KIF23: variants seen among roughly 807,000 people sequenced by gnomAD.
KIF23 encodes the protein kinesin family member 23, also known as kinesin-like protein KIF23.
Under a neutral mutation model 137.5 loss-of-function variants are expected in KIF23, and 30 were observed. The ratio of observed to expected loss-of-function variants is 0.22; its 90% confidence interval spans 0.16 to 0.30. The LOEUF is 0.30. KIF23 is among the 10% of genes least tolerant of loss of function. KIF23 has a pLI of 1.00. For missense variants in KIF23, 920 were observed against 1,194.3 expected (o/e 0.77, Z 3.38); for synonymous variants, 367 against 391.1 (o/e 0.94, Z 0.73).
intron 2 of KIF23, 98 bp downstream of exon 2, chr15:69,416,161 A>G (rs558435692): frequency 2.0e-5 from 14 of 698,882 alleles, no homozygotes; most frequent in Middle Eastern, 2.5e-4. Flanking sequence ...AGAAGAAGAC[A>G]TGTGGAAGTA....
intron 2 of KIF23, among the ~76,000 whole-genome samples, chr15:69,416,971 A>AAAT (rs2056931516): frequency 6.6e-6 from 1 of 152,066 alleles, no homozygotes; most frequent in South Asian, 2.1e-4. Flanking sequence ...ATAAATAAAA[A>AAAT]TGTCTTTGTA....
At chr15:69,432,395 C>A (rs967585374) in intron 11 of KIF23, among the ~76,000 whole-genome samples, 1 of 152,132 alleles carries the variant, frequency 6.6e-6, no homozygotes. Context: ...TTGTTGTTCT[C>A]ATGGACACCG....
intron 10 of KIF23, chr15:69,426,710 ACCCTGTCTTG>A: frequency 2.5e-6 from 1 of 397,064 alleles, no homozygotes; most frequent in Non-Finnish European, 4.5e-6. Flanking sequence ...ACAGAGTGAG[ACCCTGTCTTG>A]AAAAAAAAAG....
At position 69,435,559 on chromosome 15, in the gene KIF23, C is replaced by G. The variant is rs762753194; in HGVS notation, c.1191C>G (p.Asn397Lys). 6.2e-7 allele frequency: 1 copy of G among 1,613,970 alleles called. No individual in the cohort carries two copies. Among genetic ancestry groups the G allele is most frequent in the South Asian group, 1.1e-5 (1 of 91,058 alleles). ...GAGAGAACCAAATGTATGGAACTAA[C>G]AAGGTAAGCAGCAGCCTTCTCTGTT... ...VLRENQMYGT[N>K]KMVPYRDSKL... is the part of the protein sequence containing the mutation. Residue 397 changes from asparagine to lysine, a missense_variant, in exon 12 of 24, where the codon AAC (asparagine) becomes AAG (lysine). Coordinates refer to ENST00000679126, the MANE Select transcript of KIF23 (RefSeq NM_001367805.3).
At chr15:69,437,521 C>T (rs150617571) in intron 15 of KIF23, among the ~76,000 whole-genome samples, 60 of 140,018 alleles carry the variant, frequency 4.3e-4, no homozygotes, top group African/African-American at 1.5e-3. Context: ...AGTGCAATGG[C>T]GCAATCTCGG....
At chr15:69,429,021 A>T in intron 10 of KIF23, 90 bp from the exon 11 acceptor site, 1 of 848,678 alleles carries the variant, frequency 1.2e-6, no homozygotes, top group Non-Finnish European at 1.9e-6. Flanking sequence ...AATGTTCATT[A>T]AGACTTAGCT....
At chr15:69,445,627 A>C (rs1348247271) in intron 20 of KIF23, among the ~76,000 whole-genome samples, 1 of 152,116 alleles carries the variant, frequency 6.6e-6, no homozygotes. Context: ...AAATAAGACT[A>C]TACTGTCATT....
intron 20 of KIF23, among the ~76,000 whole-genome samples, chr15:69,445,521 T>C (rs1304124599): frequency 2.0e-5 from 3 of 147,710 alleles, no homozygotes; most frequent in African/African-American, 7.5e-5. Flanking sequence ...ATAGGGTCAG[T>C]GAATAATCAG....
chr15:69,429,293 G>A, intron 11 of KIF23, 80 bp downstream of exon 11: 2 of 914,038 alleles, frequency 2.2e-6, no homozygotes, highest in South Asian at 1.5e-5. Flanking sequence ...TTATCAATGG[G>A]TGGTTCTTTG....
At chr15:69,433,694 G>T (rs1416846937) in intron 11 of KIF23, among the ~76,000 whole-genome samples, 1 of 152,030 alleles carries the variant, frequency 6.6e-6, no homozygotes, top group Non-Finnish European at 1.5e-5. Context: ...TTGGGGATCT[G>T]CTGCCTTAGA....
chr15:69,444,859 G>A lies in KIF23; in HGVS notation c.2491G>A (p.Asp831Asn). 1.9e-6 allele frequency: 3 copies of A among 1,614,144 alleles called. No individual in the cohort carries two copies. The highest frequency in any genetic ancestry group is 2.5e-6 in the Non-Finnish European group (3 of 1,180,030). Residue 831 changes from aspartate (D) to asparagine (N), a missense_variant, in exon 20 of 24, where the codon GAC (aspartate) becomes AAC (asparagine). Physicochemically the swap from Asp to Asn is conservative, Grantham distance 23. This residue lies in a region of KIF23 where 714 missense variants were observed against 866.2 expected (regional missense o/e 0.82). Transcript: ENST00000679126. The surrounding 1 kb of genome is among the most constrained non-coding windows in gnomAD (Gnocchi z 4.2). ...ACACAGACGATCACGCTCTGCAGGA[G>A]ACAGATGGGTAGATCATAAGCCCGC... The part of the protein sequence containing the change: ...LRHRRSRSAG[D>N]RWVDHKPASN...
chr15:69,423,028 A>C, intron 6 of KIF23, 131 bp from the exon 7 acceptor site: 1 of 619,276 alleles, frequency 1.6e-6, no homozygotes, highest in Non-Finnish European at 2.8e-6. Context: ...TGAGTTCCTG[A>C]TCTCAGGTGA....
At chr15:69,418,067 GAC>G (rs1394515614) in intron 3 of KIF23, among the ~76,000 whole-genome samples, 1 of 152,154 alleles carries the variant, frequency 6.6e-6, no homozygotes, top group Admixed American at 6.5e-5. Context: ...ATATAAATAA[GAC>G]AGAAAGTTAG....
rs1314345336 is a variant in KIF23 at position 69,440,827 on chromosome 15, G to T, written c.2169G>T (p.Gln723His). Residue 723 changes from glutamine to histidine, a missense_variant, in exon 19 of 24, where the codon CAG becomes CAT. Physicochemically the swap from Gln to His is conservative, Grantham distance 24. Around this residue, in one of 4 missense-constraint regions of KIF23, gnomAD observed 714 missense variants for 866.2 expected, o/e 0.82. Transcript: ENST00000679126. Reference sequence around the variant, plus strand: ...GCCAGCAACTCATGAGCCAGCCACAGCTACATAGGCGCTCTAACTCTTGCA... The same window carrying T: ...GCCAGCAACTCATGAGCCAGCCACATCTACATAGGCGCTCTAACTCTTGCA... ...SNGQQLMSQPQLHRRSNSCSS... is the reference protein window; with the variant it reads ...SNGQQLMSQPHLHRRSNSCSS... The T allele has an allele frequency of 6.2e-7, 1 of 1,613,600 alleles. No individual in the cohort carries two copies. Among genetic ancestry groups the T allele is most frequent in the Admixed American group, 1.7e-5 (1 of 60,018 alleles).
At chr15:69,441,193 G>T in intron 19 of KIF23, 114 bp downstream of exon 19, 1 of 920,762 alleles carries the variant, frequency 1.1e-6, no homozygotes, top group Non-Finnish European at 1.6e-6. Context: ...GTATAAAGAA[G>T]GTCTAATTTC....
chr15:69,447,941 TAC>T lies in KIF23; in HGVS notation c.*137_*138del. 1 of 758,530 alleles carries T rather than the reference TAC, an allele frequency of 1.3e-6. No individual in the cohort carries two copies. The highest frequency in any genetic ancestry group is 2.2e-6 in the Non-Finnish European group (1 of 462,192). The allele number at this position is 758,530 out of a possible 1,614,324, so 47.0% of individuals were successfully genotyped here. On this transcript the variant is annotated 3_prime_UTR_variant, in exon 24 of 24. Transcript: ENST00000679126. ...AAAATCACGGACCTCAGCTACATCA[TAC>T]ACTGACCCAGAGCAAAGCTTTCCCT...
rs3784363 is a variant in KIF23, at chr15:69,447,508, T to C, written c.2910-284T>C. ...ATACATATATGTATATCACATGTTA[T>C]ATACATATATGTATATAAAATGTTA... On this transcript the variant is annotated intron_variant, in intron 23 of 23. Transcript: ENST00000679126. Among the ~76,000 whole-genome samples the C allele has an allele frequency of 0.84, 127,974 of 152,082 alleles. 55,848 individuals carry two copies. The highest frequency in any genetic ancestry group is 0.97 in the Non-Finnish European group (66,071 of 68,030).
chr15:69,435,039 C>T (rs2057442791), intron 11 of KIF23: 3 of 556,782 alleles, frequency 5.4e-6, no homozygotes, highest in Non-Finnish European at 6.4e-6. Flanking sequence ...CTGGTGTGGT[C>T]CCCATAGTTC....
chr15:69,428,690 A>G (rs1446745247), intron 10 of KIF23, among the ~76,000 whole-genome samples: 3 of 150,752 alleles, frequency 2.0e-5, no homozygotes, highest in Non-Finnish European at 4.4e-5. Flanking sequence ...AAAAAACAAA[A>G]GAATTATTTA....
Sources: allele counts gnomAD v4.1 joint callset (sites outside exome capture counted in the v4.1 genomes callset), GRCh38; gene constraint gnomAD v4.1.1; regional missense constraint gnomAD v4.1.1; non-coding constraint Gnocchi (gnomAD v3.1); transcripts MANE v1.5; gene names NCBI Gene and HGNC (gene_info 2026-07-23, HGNC 2026-07-21).